The following ASIC5 variants were observed in gnomAD, a reference collection of about 807,000 sequenced individuals.
The protein encoded by ASIC5 is acid sensing ion channel subunit family member 5.
In ASIC5, 52 loss-of-function variants were observed where a neutral mutation model predicts 51.2. The ratio of observed to expected loss-of-function variants is 1.02; its 90% CI spans 0.81 to 1.28. The LOEUF (loss-of-function observed/expected upper bound fraction) is 1.28, where lower values mean the gene tolerates loss of function less well. Ranked by LOEUF, ASIC5 falls within the 50% of genes most tolerant of loss-of-function variation. The pLI, the probability that ASIC5 is intolerant of heterozygous loss-of-function variation, is 0.00. For missense variants in ASIC5, 635 were observed against 595.0 expected (o/e 1.07, Z -0.70); for synonymous variants, 231 against 200.7 (o/e 1.15, Z -1.28).
Position 155,845,308 on chromosome 4 carries a change from G to A in ASIC5, c.712-1478C>T, listed in dbSNP as rs541803577. On this transcript the variant is annotated intron_variant, in intron 4 of 9. Transcript: ENST00000537611. ...ACATCCAAGATGTGTGTGTGTATGT[G>A]TGCATGTGTGCATGTTTGTATTTAA... Among the ~76,000 whole-genome samples, 13 of 150,848 alleles carry A rather than the reference G, an allele frequency of 8.6e-5. No homozygotes were observed. In the East Asian group the frequency reaches 9.8e-4, roughly 11 times the overall value.
chr4:155,843,911 C>G (rs1353928669), intron 4 of ASIC5, 81 bp from the exon 5 acceptor site: 13 of 1,256,258 alleles, frequency 1.0e-5, no homozygotes, highest in African/African-American at 3.0e-5. Context: ...GTTTTATCAT[C>G]TCATGATAGC....
chr4:155,858,697 G>A (rs1741611837), intron 2 of ASIC5, among the ~76,000 whole-genome samples: 1 of 152,040 alleles, frequency 6.6e-6, no homozygotes, highest in African/African-American at 2.4e-5. Flanking sequence ...AGAACAAAAA[G>A]GGGAGGGTGG....
chr4:155,863,557 T>C lies in ASIC5; in HGVS notation c.238A>G (p.Ile80Val), dbSNP rs139024728. Residue 80 changes from isoleucine (I) to valine (V), a missense_variant, in exon 2 of 10, where the codon ATC becomes GTC. By Grantham distance (29) the Ile-to-Val change is conservative. Coordinates refer to ENST00000537611, the MANE Select transcript of ASIC5 (RefSeq NM_017419.3). ...LGSVSLVTWQ[I>V]YIRLLNYFTW... ...AAGTAGTTGAGCAAGCGAATGTAGA[T>C]CTGCCATGTCACAAGTGAGACTGAG... The C allele has an allele frequency of 6.2e-7, 1 of 1,613,826 alleles. No individual in the cohort carries two copies. Among genetic ancestry groups the C allele is most frequent in the Admixed American group, 1.7e-5 (1 of 59,924 alleles).
chr4:155,850,581 A>G (rs930009339), intron 4 of ASIC5, among the ~76,000 whole-genome samples: 9 of 152,020 alleles, frequency 5.9e-5, no homozygotes, highest in Non-Finnish European at 7.4e-5. Context: ...TCCATGGATC[A>G]CATTTCACCT....
chr4:155,851,011 T>C (rs2111252458), intron 4 of ASIC5, among the ~76,000 whole-genome samples: 1 of 152,166 alleles, frequency 6.6e-6, no homozygotes, highest in South Asian at 2.1e-4. Flanking sequence ...AATATTCTAT[T>C]TGTAATTCAA....
At chr4:155,858,740 G>T (rs1308830788) in intron 2 of ASIC5, 1 of 152,072 alleles carries the variant, frequency 6.6e-6, no homozygotes, top group African/African-American at 2.4e-5. Context: ...TTCTTTTGAA[G>T]CTTTGATCAA....
At chr4:155,850,082 A>G (rs1431500456) in intron 4 of ASIC5, among the ~76,000 whole-genome samples, 1 of 151,850 alleles carries the variant, frequency 6.6e-6, no homozygotes, top group Non-Finnish European at 1.5e-5. Context: ...AGAGACTCAT[A>G]TTCTCCTAAA....
At chr4:155,862,380 G>A (rs756837639) in intron 2 of ASIC5, among the ~76,000 whole-genome samples, 7 of 152,038 alleles carry the variant, frequency 4.6e-5, no homozygotes, top group Non-Finnish European at 7.4e-5. Flanking sequence ...CTTATCTAAT[G>A]TAACAACAAA....
chr4:155,847,146 T>C (rs1741269723), intron 4 of ASIC5, among the ~76,000 whole-genome samples: 1 of 152,128 alleles, frequency 6.6e-6, no homozygotes, highest in Non-Finnish European at 1.5e-5. Flanking sequence ...ACAATAAGGA[T>C]TTATTTTTTA....
chr4:155,854,143 T>C lies in ASIC5; in HGVS notation c.519A>G (p.Lys173=), dbSNP rs150770543. The stretch of plus-strand genomic sequence containing the variant: ...AAGTGCTATTGTTGAGATAAAAACC[T>C]TTGTTCCTGATAAATTCCACAATGC... ...NFSIVEFIRN[K]GFYLNNSTLL... is the part of the protein sequence containing the mutation. The change falls in exon 3 of 10, where the codon AAA becomes AAG. Residue 173 remains lysine, a synonymous_variant. Transcript: ENST00000537611. 12 of 1,613,330 alleles carry C rather than the reference T, an allele frequency of 7.4e-6. No individual in the cohort carries two copies. The highest frequency in any genetic ancestry group is 8.5e-7 in the Non-Finnish European group (1 of 1,179,656).
intron 4 of ASIC5, among the ~76,000 whole-genome samples, chr4:155,845,389 C>A (rs1579289506): frequency 8.0e-6 from 1 of 124,916 alleles, no homozygotes; most frequent in Non-Finnish European, 1.7e-5. Context: ...AAGACTTTGT[C>A]TTTTTTTTGA....
chr4:155,832,011 C>A (rs939770889), intron 8 of ASIC5, 96 bp from the exon 9 acceptor site: 3 of 629,092 alleles, frequency 4.8e-6, no homozygotes, highest in Non-Finnish European at 8.3e-6. Flanking sequence ...GTTTTATATG[C>A]TATTTAATGT....
chr4:155,854,319 T>C lies in ASIC5; in HGVS notation c.348-5A>G, dbSNP rs1553952674. The C allele has an allele frequency of 2.6e-6, 4 of 1,556,274 alleles. No homozygotes were observed. In the Admixed American group the frequency reaches 6.7e-5, roughly 26 times the overall value. ...GCTACAGCATCTGTTTGGAACCTATTAGCAGGAATGAAGGCAATAGTTAGA... is the reference window on the plus strand; with the variant it reads ...GCTACAGCATCTGTTTGGAACCTATCAGCAGGAATGAAGGCAATAGTTAGA... On this transcript the variant is annotated splice_polypyrimidine_tract_variant and splice_region_variant and intron_variant, in intron 2 of 9. Coordinates refer to ENST00000537611, the MANE Select transcript of ASIC5 (RefSeq NM_017419.3).
rs572345755 is a variant in ASIC5 at position 155,845,321 on chromosome 4, T to C, written c.712-1491A>G. On this transcript the variant is annotated intron_variant, in intron 4 of 9. Transcript: ENST00000537611. ...GTGTGTGTATGTGTGCATGTGTGCA[T>C]GTTTGTATTTAAAAGGCCTTCAGGT... 5.6e-4 allele frequency among the ~76,000 whole-genome samples: 85 copies of C among 150,710 alleles called. 1 individual carries two copies. The highest frequency in any genetic ancestry group is 5.5e-3 in the Admixed American group (83 of 14,992).
intron 8 of ASIC5, among the ~76,000 whole-genome samples, chr4:155,832,613 C>T (rs1479390344): frequency 6.6e-6 from 1 of 152,146 alleles, no homozygotes; most frequent in Non-Finnish European, 1.5e-5. Flanking sequence ...ATATTCAGTT[C>T]ATTCTTATAT....
chr4:155,842,145 G>T (rs1401294001), intron 6 of ASIC5, 62 bp downstream of exon 6: 16 of 1,480,030 alleles, frequency 1.1e-5, no homozygotes, highest in Non-Finnish European at 1.5e-5. Flanking sequence ...CAGACCTTTT[G>T]TAACCCTCTA....
intron 6 of ASIC5, among the ~76,000 whole-genome samples, chr4:155,839,332 G>A (rs1001047472): frequency 7.3e-5 from 9 of 123,362 alleles, no homozygotes; most frequent in Admixed American, 9.8e-5. Context: ...CTTCCATCCT[G>A]CTCCCTCTAT....
At chr4:155,847,733 T>A (rs6851597) in intron 4 of ASIC5, among the ~76,000 whole-genome samples, 8,727 of 151,412 alleles carry the variant, frequency 0.058, 597 homozygotes, top group African/African-American at 0.17. Flanking sequence ...GTAAAAAAAA[T>A]AAATAAATAA....
intron 4 of ASIC5, 120 bp downstream of exon 4, chr4:155,852,071 A>G (rs930999012): frequency 1.7e-6 from 2 of 1,205,440 alleles, no homozygotes; most frequent in Admixed American, 2.4e-5. Context: ...AGACTAAATT[A>G]ACAAAAACTG....
Sources: allele counts gnomAD v4.1 joint callset (sites outside exome capture counted in the v4.1 genomes callset), GRCh38; gene constraint gnomAD v4.1.1; transcripts MANE v1.5; gene names NCBI Gene and HGNC (gene_info 2026-07-23, HGNC 2026-07-21).